SNAP29: variants seen among roughly 807,000 people sequenced by gnomAD.
SNAP29 encodes synaptosomal-associated protein 29.
In SNAP29, 13 loss-of-function variants were observed where a neutral mutation model predicts 27.9. The ratio of observed to expected loss-of-function variants is 0.47; its 90% CI spans 0.30 to 0.74. The LOEUF (loss-of-function observed/expected upper bound fraction) is 0.74. SNAP29 is among the 30% of genes least tolerant of loss of function. SNAP29 has a pLI of 0.06. For synonymous variants in SNAP29, 119 were observed against 127.1 expected (o/e 0.94, Z 0.43); for missense variants, 368 against 336.5 (o/e 1.09, Z -0.73).
chr22:20,877,288 G>A (rs1368626751), intron 2 of SNAP29, among the ~76,000 whole-genome samples: 1 of 152,122 alleles, frequency 6.6e-6, no homozygotes, highest in African/African-American at 2.4e-5. Context: ...CTGGCACGGT[G>A]GCTCACGCCT....
At position 20,891,104 on chromosome 22, in the gene SNAP29, T is replaced by C. The variant is rs1055312902; in HGVS notation, c.*3268T>C. On this transcript the variant is annotated 3_prime_UTR_variant, in exon 5 of 5. Coordinates refer to ENST00000215730, the MANE Select transcript of SNAP29 (RefSeq NM_004782.4). ...GAGAAAGTTTTCTAACATCTAGTAA[T>C]TTGTAACTTAGAAGTGGAGTTGCCT... is the stretch of plus-strand genomic sequence containing the variant. The C allele has an allele frequency of 2.0e-5, 3 of 152,104 alleles. No individual in the cohort carries two copies. Among genetic ancestry groups the C allele is most frequent in the Non-Finnish European group, 4.4e-5 (3 of 68,008 alleles). The allele number at this position is 152,104 out of a possible 1,614,324, so 9.4% of individuals were successfully genotyped here.
At position 20,870,447 on chromosome 22, in the gene SNAP29, T is replaced by G. The variant is rs113637255; in HGVS notation, c.348T>G (p.Phe116Leu). Residue 116 changes from phenylalanine to leucine, a missense_variant, in exon 2 of 5, where the codon TTT becomes TTG. Physicochemically the swap from Phe to Leu is conservative, Grantham distance 22. Transcript: ENST00000215730. ...ACATCAATAGCATTAAGAGCGTGTT[T>G]GGGGGGCTGGTCAATTACTTCAAAT... The part of the protein sequence containing the change: ...QKHINSIKSV[F>L]GGLVNYFKSK... The G allele has an allele frequency of 6.2e-7, 1 of 1,614,122 alleles. No homozygotes were observed. Among genetic ancestry groups the G allele is most frequent in the Non-Finnish European group, 8.5e-7 (1 of 1,180,008 alleles).
In SNAP29 at chr22:20,887,925, T is replaced by C. The variant is rs2147874855; in HGVS notation, c.*89T>C. 2 of 1,223,786 alleles carry C rather than the reference T, an allele frequency of 1.6e-6. No homozygotes were observed. Among genetic ancestry groups the C allele is most frequent in the Non-Finnish European group, 2.4e-6 (2 of 842,314 alleles). 75.8% of individuals were successfully genotyped at this position (1,223,786 alleles called of 1,614,324 possible). A position where few individuals can be genotyped will look rare whatever the true frequency, so the allele number is the denominator to read the frequency against. Reference sequence around the variant, plus strand: ...AGAAATTTCATTTACTATTTTAGTATGTAAATTAATGTGTGTTTGCAAATG... The same window carrying C: ...AGAAATTTCATTTACTATTTTAGTACGTAAATTAATGTGTGTTTGCAAATG... On this transcript the variant is annotated 3_prime_UTR_variant, in exon 5 of 5. Transcript: ENST00000215730.
chr22:20,867,522 G>A (rs185677407), intron 1 of SNAP29, among the ~76,000 whole-genome samples: 6 of 152,214 alleles, frequency 3.9e-5, no homozygotes, highest in Admixed American at 6.5e-5. Context: ...CATTAAGTCC[G>A]GTCATTTCCT....
chr22:20,875,903 G>A (rs1928730422), intron 2 of SNAP29, among the ~76,000 whole-genome samples: 1 of 152,046 alleles, frequency 6.6e-6, no homozygotes, highest in African/African-American at 2.4e-5. Flanking sequence ...GCTCACGCCT[G>A]TAATCCCAGC....
At chr22:20,868,186 T>C (rs1928504395) in intron 1 of SNAP29, among the ~76,000 whole-genome samples, 3 of 152,236 alleles carry the variant, frequency 2.0e-5, no homozygotes, top group African/African-American at 7.2e-5. Flanking sequence ...AAATGCCAGA[T>C]ACATTAGCAG....
In SNAP29 at chr22:20,859,291, A is replaced by G; in HGVS notation, c.181A>G (p.Ser61Gly). The change falls in exon 1 of 5, where the codon AGC becomes GGC. Residue 61 changes from serine to glycine, a missense_variant. Coordinates refer to ENST00000215730, the MANE Select transcript of SNAP29 (RefSeq NM_004782.4). ...RRAEATAASTSRSLALMYESE... is the reference protein window; with the variant it reads ...RRAEATAASTGRSLALMYESE... Reference sequence around the variant, plus strand: ...GGCTGAGGCCACGGCCGCCAGCACCAGCAGGTCCCTGGCCCTCATGTACGA... The same window carrying G: ...GGCTGAGGCCACGGCCGCCAGCACCGGCAGGTCCCTGGCCCTCATGTACGA... 1.2e-6 allele frequency: 2 copies of G among 1,612,360 alleles called. No individual in the cohort carries two copies. Among genetic ancestry groups the G allele is most frequent in the Non-Finnish European group, 1.7e-6 (2 of 1,179,748 alleles).
At chr22:20,870,581 T>A in intron 2 of SNAP29, 48 bp downstream of exon 2, 1 of 1,552,616 alleles carries the variant, frequency 6.4e-7, no homozygotes, top group Non-Finnish European at 8.8e-7. Flanking sequence ...GAAGTGGGGA[T>A]TAGTGCAAAT....
intron 1 of SNAP29, among the ~76,000 whole-genome samples, chr22:20,863,699 A>T (rs759056691): frequency 6.6e-6 from 1 of 152,142 alleles, no homozygotes; most frequent in Non-Finnish European, 1.5e-5. Context: ...ATTTTTATGA[A>T]GAGAGATTCC....
intron 1 of SNAP29, among the ~76,000 whole-genome samples, chr22:20,861,113 C>T (rs1406290491): frequency 7.2e-6 from 1 of 138,820 alleles, no homozygotes; most frequent in Non-Finnish European, 1.5e-5. Flanking sequence ...ATCCACCTCC[C>T]TGTGGTTTTT....
intron 2 of SNAP29, among the ~76,000 whole-genome samples, chr22:20,879,851 TAAAAAAAA>T (rs361542): frequency 1.1e-4 from 11 of 98,036 alleles, no homozygotes; most frequent in East Asian, 8.7e-4. Flanking sequence ...TGAAAAAATT[TAAAAAAAA>T]AAAAAAAAAA....
intron 1 of SNAP29, among the ~76,000 whole-genome samples, chr22:20,869,080 G>A (rs1928525958): frequency 6.6e-6 from 1 of 152,160 alleles, no homozygotes; most frequent in South Asian, 2.1e-4. Flanking sequence ...CCAACATGGT[G>A]AAACCCCGTC....
At chr22:20,862,481 A>G (rs2147859552) in intron 1 of SNAP29, among the ~76,000 whole-genome samples, 1 of 152,306 alleles carries the variant, frequency 6.6e-6, no homozygotes, top group South Asian at 2.1e-4. Flanking sequence ...TGGGTGTGTT[A>G]GAGGACAGGG....
At chr22:20,870,591 T>C (rs1297555860) in intron 2 of SNAP29, 58 bp downstream of exon 2, 2 of 1,505,114 alleles carry the variant, frequency 1.3e-6, no homozygotes, top group African/African-American at 2.8e-5. Flanking sequence ...TTAGTGCAAA[T>C]GACCAAGACT....
At chr22:20,879,053 A>C (rs537677128) in intron 2 of SNAP29, among the ~76,000 whole-genome samples, 1 of 152,218 alleles carries the variant, frequency 6.6e-6, no homozygotes, top group Non-Finnish European at 1.5e-5. Flanking sequence ...CACGCCTGTA[A>C]TCCCAGCACT....
chr22:20,863,064 T>A (rs1928366369), intron 1 of SNAP29, among the ~76,000 whole-genome samples: 1 of 152,178 alleles, frequency 6.6e-6, no homozygotes, highest in Non-Finnish European at 1.5e-5. Flanking sequence ...ATTTTTGGTA[T>A]TTTTGGTGGA....
chr22:20,887,942 T>C lies in SNAP29; in HGVS notation c.*106T>C. 8.8e-7 allele frequency: 1 copy of C among 1,130,522 alleles called. No homozygotes were observed. The highest frequency in any genetic ancestry group is 1.3e-5 in the South Asian group (1 of 76,186). The allele number at this position is 1,130,522 out of a possible 1,614,324, so 70.0% of individuals were successfully genotyped here. Reference sequence around the variant, plus strand: ...TTTTAGTATGTAAATTAATGTGTGTTTGCAAATGTTATAATAGAGTAGGTC... The same window carrying C: ...TTTTAGTATGTAAATTAATGTGTGTCTGCAAATGTTATAATAGAGTAGGTC... On this transcript the variant is annotated 3_prime_UTR_variant, in exon 5 of 5. Coordinates refer to ENST00000215730, the MANE Select transcript of SNAP29 (RefSeq NM_004782.4).
intron 2 of SNAP29, among the ~76,000 whole-genome samples, chr22:20,872,590 C>T (rs1237347406): frequency 4.0e-5 from 6 of 151,770 alleles, no homozygotes; most frequent in East Asian, 1.9e-4. Context: ...TTAGTAGAGA[C>T]GGGGTTTCAC....
Position 20,859,191 on chromosome 22 carries a change from C to G in SNAP29, c.81C>G (p.Asp27Glu), listed in dbSNP as rs756632832. ...GCGCCCGGCCGGCCCCTTGGAGGGA[C>G]GCCCGAGACCTCCCCGACGGGCCCG... ...DEGARPAPWR[D>E]ARDLPDGPDA... Residue 27 changes from aspartate to glutamate, a missense_variant, in exon 1 of 5, where the codon GAC becomes GAG. Asp to Glu is a conservative substitution (Grantham distance 45, BLOSUM62 2). Coordinates refer to ENST00000215730, the MANE Select transcript of SNAP29 (RefSeq NM_004782.4). 4 of 1,602,654 alleles carry G rather than the reference C, an allele frequency of 2.5e-6. No homozygotes were observed. The Admixed American group carries it at 6.9e-5, about 28-fold the overall frequency.
Sources: allele counts gnomAD v4.1 joint callset (sites outside exome capture counted in the v4.1 genomes callset), GRCh38; gene constraint gnomAD v4.1.1; transcripts MANE v1.5; gene names NCBI Gene and HGNC (gene_info 2026-07-23, HGNC 2026-07-21).